Variants in HIVEP3 observed in about 807,000 individuals in gnomAD.
HIVEP3 encodes transcription factor HIVEP3.
Under a neutral mutation model 152.8 loss-of-function variants are expected in HIVEP3, and 49 were observed. That is an observed-to-expected ratio of 0.32 (90% CI 0.26 to 0.41). The LOEUF (loss-of-function observed/expected upper bound fraction) is 0.41, where lower values mean the gene tolerates loss of function less well. HIVEP3 is among the 10% of genes least tolerant of loss of function. The pLI, the probability that HIVEP3 is intolerant of heterozygous loss-of-function variation, is 1.00. For missense variants in HIVEP3, 2,790 were observed against 3,103.3 expected, an observed-to-expected ratio of 0.90 and a Z score of 2.40; for synonymous variants, 1,269 against 1,289.0, an observed-to-expected ratio of 0.98 and a Z score of 0.33.
intron 1 of HIVEP3, among the ~76,000 whole-genome samples, chr1:41,937,221 A>G (rs1220961549): frequency 5.9e-5 from 9 of 152,126 alleles, no homozygotes. Context: ...AAAATAATAA[A>G]TATATATTCT....
rs114837009 is a variant in HIVEP3, at chr1:41,556,320, T to C, written c.5207+19224A>G. ...TCCATGTTTTTGATAATAGCCCTCC[T>C]AGAGGGTGTGAAGTAGTATCTCATT... On this transcript the variant is annotated intron_variant, in intron 5 of 8. Transcript: ENST00000372583. Among the ~76,000 whole-genome samples, 594 of 152,350 alleles carry C rather than the reference T, an allele frequency of 3.9e-3. 3 individuals carry two copies. Among genetic ancestry groups the C allele is most frequent in the Non-Finnish European group, 6.0e-3 (408 of 68,018 alleles).
At chr1:41,600,205 T>C (rs1344429230) in intron 3 of HIVEP3, among the ~76,000 whole-genome samples, 1 of 152,132 alleles carries the variant, frequency 6.6e-6, no homozygotes, top group Non-Finnish European at 1.5e-5. Flanking sequence ...ATCCAGCAAT[T>C]CCCCTTCTGG....
chr1:41,796,868 A>G (rs905880476), intron 1 of HIVEP3, among the ~76,000 whole-genome samples: 2 of 152,146 alleles, frequency 1.3e-5, no homozygotes, highest in East Asian at 3.8e-4. Flanking sequence ...ATGAACTTGA[A>G]CCCATGCAAG....
At chr1:41,806,797 C>A (rs1650646830) in intron 1 of HIVEP3, among the ~76,000 whole-genome samples, 1 of 152,182 alleles carries the variant, frequency 6.6e-6, no homozygotes, top group African/African-American at 2.4e-5. Context: ...CTCAGGACGA[C>A]TCCACAGGGT....
intron 1 of HIVEP3, among the ~76,000 whole-genome samples, chr1:41,816,749 T>C (rs1352052795): frequency 6.6e-6 from 1 of 152,124 alleles, no homozygotes; most frequent in East Asian, 1.9e-4. Context: ...TGATTCACGA[T>C]ATGTGTTTTT....
intron 2 of HIVEP3, among the ~76,000 whole-genome samples, chr1:41,686,087 T>A (rs1401340160): frequency 7.4e-6 from 1 of 135,020 alleles, no homozygotes; most frequent in Non-Finnish European, 1.5e-5. Context: ...TTTTGTTTTT[T>A]TTGAGATGGA....
chr1:41,626,233 C>T (rs969949013), intron 3 of HIVEP3, among the ~76,000 whole-genome samples: 2 of 152,208 alleles, frequency 1.3e-5, no homozygotes, highest in African/African-American at 2.4e-5. Context: ...CTGTCTTGTT[C>T]GGATGCCATA....
At chr1:41,981,701 C>T (rs1014719878) in intron 1 of HIVEP3, among the ~76,000 whole-genome samples, 5 of 152,130 alleles carry the variant, frequency 3.3e-5, no homozygotes, top group East Asian at 1.9e-4. Flanking sequence ...AAGGAAATTG[C>T]GTTTTGTTAT....
At chr1:41,754,346 A>G (rs116026573) in intron 1 of HIVEP3, among the ~76,000 whole-genome samples, 1,765 of 152,302 alleles carry the variant, frequency 0.012, 13 homozygotes, top group Non-Finnish European at 0.02. Context: ...CTTTGAGACA[A>G]GAGCACAGGA....
intron 5 of HIVEP3, among the ~76,000 whole-genome samples, chr1:41,549,376 T>G (rs1480843526): frequency 2.6e-5 from 4 of 152,268 alleles, no homozygotes; most frequent in African/African-American, 9.6e-5. Flanking sequence ...TATAATCCTT[T>G]GGGTATATAC....
intron 5 of HIVEP3, among the ~76,000 whole-genome samples, chr1:41,567,074 AGTCACAT>A (rs1170038239): frequency 6.6e-6 from 1 of 152,128 alleles, no homozygotes; most frequent in African/African-American, 2.4e-5. Flanking sequence ...GCATCTCAAA[AGTCACAT>A]GTCCAACAAG....
At chr1:41,666,612 A>C (rs1383211332) in intron 2 of HIVEP3, among the ~76,000 whole-genome samples, 4 of 152,166 alleles carry the variant, frequency 2.6e-5, no homozygotes, top group Admixed American at 2.6e-4. Flanking sequence ...GCTCATCTTC[A>C]TGGATGTGGG....
chr1:41,891,048 G>A (rs1644438569), intron 1 of HIVEP3, among the ~76,000 whole-genome samples: 2 of 152,260 alleles, frequency 1.3e-5, no homozygotes, highest in African/African-American at 2.4e-5. Context: ...AGAGGCTCCG[G>A]GCTCCCCAGA....
At chr1:41,767,361 G>A (rs1055237432) in intron 1 of HIVEP3, among the ~76,000 whole-genome samples, 7 of 152,166 alleles carry the variant, frequency 4.6e-5, no homozygotes, top group African/African-American at 1.4e-4. Flanking sequence ...GTTTCATGGC[G>A]GGAGTGAATT....
chr1:41,518,445 C>G lies in HIVEP3; in HGVS notation c.5427G>C (p.Lys1809Asn), dbSNP rs762029587. The G allele has an allele frequency of 6.2e-6, 10 of 1,614,220 alleles. No homozygotes were observed. The highest frequency in any genetic ancestry group is 6.8e-6 in the Non-Finnish European group (8 of 1,180,026). ...KHMKSKAHSK[K>N]CQETGVLEEL... is the part of the protein sequence containing the mutation. The stretch of plus-strand genomic sequence containing the variant: ...CCTCCAGCACCCCTGTCTCTTGGCA[C>G]TTTTTGCTGTGGGCCTTCGACTTCA... Residue 1809 changes from lysine (K) to asparagine (N), a missense_variant, in exon 7 of 9, where the codon AAG becomes AAC. Transcript: ENST00000372583.
chr1:41,739,430 C>T (rs578163524), intron 1 of HIVEP3, among the ~76,000 whole-genome samples: 3 of 152,338 alleles, frequency 2.0e-5, no homozygotes, highest in South Asian at 2.1e-4. Flanking sequence ...AGAGGAACAG[C>T]GTGACAGCCC....
intron 3 of HIVEP3, among the ~76,000 whole-genome samples, chr1:41,607,721 T>C (rs1644841248): frequency 6.6e-6 from 1 of 152,208 alleles, no homozygotes; most frequent in Admixed American, 6.5e-5. Context: ...AGGATATGTA[T>C]TAGGATACAG....
chr1:41,893,844 T>C (rs969852729), intron 1 of HIVEP3, among the ~76,000 whole-genome samples: 2 of 147,364 alleles, frequency 1.4e-5, no homozygotes, highest in African/African-American at 4.9e-5. Flanking sequence ...ATATATATTA[T>C]ATATGAATAT....
rs531105989 is a variant in HIVEP3, at chr1:41,940,047, C to T, written n.120-21523G>A. Among the ~76,000 whole-genome samples, 18 of 152,194 alleles carry T rather than the reference C, an allele frequency of 1.2e-4. No individual in the cohort carries two copies. The South Asian group carries it at 3.5e-3, about 30-fold the overall frequency. ...TATTTTCATTTAGCAATATTAATTA[C>T]AAAATGATTTTTGAATGATACCTAA... On this transcript the variant is annotated intron_variant and non_coding_transcript_variant, in intron 1 of 3. Transcript: ENST00000489103.
Sources: gnomAD v4.1 joint callset for allele counts (sites outside exome capture counted in the v4.1 genomes callset) on GRCh38, gnomAD v4.1.1 for gene constraint, MANE v1.5 for transcripts, NCBI Gene and HGNC (gene_info 2026-07-23, HGNC 2026-07-21) for gene names.